COL4A6: variants seen among roughly 807,000 people sequenced by gnomAD.
The protein encoded by COL4A6 is collagen type IV alpha 6 chain.
COL4A6 carries 59 observed loss-of-function variants against 126.7 expected under a neutral mutation model. The observed-to-expected ratio is 0.47, with a 90% confidence interval of 0.38 to 0.58. The LOEUF is 0.58. COL4A6 is among the 20% of genes least tolerant of loss of function. The pLI is 0.00. For missense variants in COL4A6, 1,285 were observed against 1,337.3 expected, an observed-to-expected ratio of 0.96 and a Z score of 0.61; for synonymous variants, 547 against 496.6, an observed-to-expected ratio of 1.10 and a Z score of -1.35.
intron 3 of COL4A6, among the ~76,000 whole-genome samples, chrX:108,285,350 G>GT (rs771329218): frequency 8.9e-6 from 1 of 112,196 alleles, no homozygotes; most frequent in Non-Finnish European, 1.9e-5. Context: ...CCCTGTGAAT[G>GT]TTATACTTCA....
intron 28 of COL4A6, among the ~76,000 whole-genome samples, chrX:108,176,378 GA>G (rs71957378): frequency 0.052 from 5,034 of 95,937 alleles, 198 homozygotes; most frequent in African/African-American, 0.12. Flanking sequence ...TGTGATACAG[GA>G]AAAAAAAAAA....
At chrX:108,297,480 A>G (rs1015570774) in intron 3 of COL4A6, among the ~76,000 whole-genome samples, 3 of 111,166 alleles carry the variant, frequency 2.7e-5, no homozygotes, top group African/African-American at 9.8e-5. Context: ...TCTACCCACT[A>G]GATGCCAGTA....
chrX:108,252,398 A>G (rs867054694), intron 3 of COL4A6, among the ~76,000 whole-genome samples: 11 of 111,879 alleles, frequency 9.8e-5, no homozygotes, highest in African/African-American at 3.6e-4. Context: ...GAACAATTAG[A>G]TTGATTCTAT....
At chrX:108,202,276 G>A (rs2035410145) in intron 13 of COL4A6, among the ~76,000 whole-genome samples, 1 of 111,081 alleles carries the variant, frequency 9.0e-6, no homozygotes, top group Admixed American at 9.6e-5. Flanking sequence ...ATATGAACTT[G>A]CTATAGATTC....
chrX:108,221,498 G>T, intron 3 of COL4A6, 124 bp from the exon 4 acceptor site: 1 of 781,444 alleles, frequency 1.3e-6, no homozygotes, highest in Non-Finnish European at 1.8e-6. Context: ...AGATCTGTGA[G>T]GCACGCCAAA....
intron 2 of COL4A6, among the ~76,000 whole-genome samples, chrX:108,385,887 G>A (rs777151115): frequency 1.2e-3 from 105 of 91,267 alleles, no homozygotes; most frequent in Non-Finnish European, 1.2e-3. Flanking sequence ...CCCCCCAAAA[G>A]GCCCCAGTGT....
intron 7 of COL4A6, 64 bp downstream of exon 7, chrX:108,211,608 T>A: frequency 9.8e-7 from 1 of 1,017,461 alleles, no homozygotes; most frequent in Non-Finnish European, 1.4e-6. Context: ...TCACTGGAGG[T>A]GGGGCCCAAT....
intron 2 of COL4A6, among the ~76,000 whole-genome samples, chrX:108,377,568 T>G (rs1183716859): frequency 1.9e-5 from 2 of 107,491 alleles, no homozygotes; most frequent in Non-Finnish European, 3.8e-5. Context: ...TTTTTTTTTT[T>G]TTTTAAGTAT....
chrX:108,156,266 A>ACTT lies in COL4A6; in HGVS notation c.*731_*733dup, dbSNP rs1180695128. ...CCACATTTGTTGCATCCTCTGCTTT[A>ACTT]CTTTGAACCAGGCCACATCCTCTGT... On this transcript the variant is annotated 3_prime_UTR_variant, in exon 45 of 45. Coordinates refer to ENST00000334504, the MANE Select transcript of COL4A6 (RefSeq NM_033641.4). 9.0e-6 allele frequency: 1 copy of ACTT among 111,163 alleles called. No individual in the cohort carries two copies. The highest frequency in any genetic ancestry group is 3.3e-5 in the African/African-American group (1 of 30,507). 9.2% of individuals were successfully genotyped at this position (111,163 alleles called of 1,213,427 possible).
chrX:108,284,999 T>C (rs1165430924), intron 3 of COL4A6, among the ~76,000 whole-genome samples: 13 of 111,668 alleles, frequency 1.2e-4, no homozygotes, highest in African/African-American at 4.2e-4. Context: ...CTTCCTTTTA[T>C]CCAAACAGCA....
At chrX:108,312,589 C>T (rs1215182524) in intron 2 of COL4A6, among the ~76,000 whole-genome samples, 1 of 111,973 alleles carries the variant, frequency 8.9e-6, no homozygotes, top group African/African-American at 3.2e-5. Context: ...TGCTTACACC[C>T]TTGTCTAATG....
chrX:108,321,347 T>C (rs2039023201), intron 2 of COL4A6, among the ~76,000 whole-genome samples: 1 of 111,521 alleles, frequency 9.0e-6, no homozygotes, highest in Admixed American at 9.6e-5. Flanking sequence ...TTGTTTCATT[T>C]TGTTTTTTGT....
intron 3 of COL4A6, among the ~76,000 whole-genome samples, chrX:108,305,180 A>T (rs1603052224): frequency 8.9e-6 from 1 of 112,203 alleles, no homozygotes; most frequent in East Asian, 2.8e-4. Context: ...AAGGATGGAA[A>T]AATAGAAGCA....
intron 2 of COL4A6, among the ~76,000 whole-genome samples, chrX:108,348,704 TG>T (rs1271578227): frequency 2.7e-5 from 3 of 111,453 alleles, no homozygotes; most frequent in Non-Finnish European, 5.7e-5. Context: ...ATATATCCTT[TG>T]GGGGGGAAAA....
intron 3 of COL4A6, among the ~76,000 whole-genome samples, chrX:108,262,872 T>A (rs994701866): frequency 1.8e-5 from 2 of 111,614 alleles, no homozygotes; most frequent in Middle Eastern, 4.6e-3. Context: ...CCATCAGTTG[T>A]CCTACATTTC....
At chrX:108,412,373 C>G (rs1481183206) in intron 2 of COL4A6, among the ~76,000 whole-genome samples, 1 of 111,789 alleles carries the variant, frequency 8.9e-6, no homozygotes, top group African/African-American at 3.3e-5. Context: ...GTTCCTATAT[C>G]CCTCTCACTG....
At chrX:108,360,244 T>G (rs1359777881) in intron 2 of COL4A6, among the ~76,000 whole-genome samples, 2 of 112,127 alleles carry the variant, frequency 1.8e-5, no homozygotes, top group Non-Finnish European at 1.9e-5. Context: ...CATGAAGTTA[T>G]CAACTAAACA....
chrX:108,275,592 T>C (rs1207745379), intron 3 of COL4A6, among the ~76,000 whole-genome samples: 1 of 113,046 alleles, frequency 8.8e-6, no homozygotes, highest in Non-Finnish European at 1.9e-5. Flanking sequence ...AGAGTCATAT[T>C]ACCTAGTTTC....
intron 5 of COL4A6, among the ~76,000 whole-genome samples, chrX:108,217,774 T>C (rs2148249466): frequency 9.0e-6 from 1 of 111,081 alleles, no homozygotes; most frequent in Non-Finnish European, 1.9e-5. Flanking sequence ...TTTTATGGAG[T>C]AATGAGGTTT....
Sources: gnomAD v4.1 joint callset for allele counts (sites outside exome capture counted in the v4.1 genomes callset) on GRCh38, gnomAD v4.1.1 for gene constraint, MANE v1.5 for transcripts, NCBI Gene and HGNC (gene_info 2026-07-23, HGNC 2026-07-21) for gene names.